PRPF6: variants seen among roughly 807,000 people sequenced by gnomAD.
PRPF6 encodes pre-mRNA processing factor 6, also known as pre-mRNA-processing factor 6.
A neutral mutation model predicts 118.3 loss-of-function variants in PRPF6; 42 were observed. The observed-to-expected ratio is 0.35, with a 90% confidence interval of 0.28 to 0.46. The LOEUF is 0.46. PRPF6 is among the 20% of genes least tolerant of loss of function. The pLI is 1.00. For synonymous variants in PRPF6, 481 were observed against 485.1 expected, an observed-to-expected ratio of 0.99 and a Z score of 0.11; for missense variants, 662 against 1,255.7, an observed-to-expected ratio of 0.53 and a Z score of 7.15.
intron 6 of PRPF6, among the ~76,000 whole-genome samples, chr20:63,996,821 C>G (rs367613980): frequency 1.3e-5 from 2 of 151,980 alleles, no homozygotes; most frequent in African/African-American, 4.8e-5. Flanking sequence ...CCCAGCTGTT[C>G]GAGAGGCTGA....
chr20:63,999,800 G>A, intron 8 of PRPF6, 41 bp downstream of exon 8: 1 of 1,610,276 alleles, frequency 6.2e-7, no homozygotes, highest in Non-Finnish European at 8.5e-7. Flanking sequence ...GAGGCTGCGT[G>A]ATTGTGGCCC....
chr20:64,000,614 G>A (rs1462197568), intron 8 of PRPF6, among the ~76,000 whole-genome samples: 1 of 151,158 alleles, frequency 6.6e-6, no homozygotes, highest in African/African-American at 2.4e-5. Flanking sequence ...TGTTGCCCAG[G>A]CTGAAGTACA....
At position 63,999,766 on chromosome 20, in the gene PRPF6, T is replaced by C; in HGVS notation, c.1023+7T>C. The C allele has an allele frequency of 1.2e-6, 2 of 1,613,908 alleles. No individual in the cohort carries two copies. Among genetic ancestry groups the C allele is most frequent in the African/African-American group, 2.7e-5 (2 of 75,016 alleles). ...GACGGAGATGTGCCCCAAGGTGAGG[T>C]ATTTCCTGGGAGGCGTTTCCTGGGA... On this transcript the variant is annotated splice_region_variant and intron_variant, in intron 8 of 20. Coordinates refer to ENST00000266079, the MANE Select transcript of PRPF6 (RefSeq NM_012469.4).
intron 3 of PRPF6, among the ~76,000 whole-genome samples, chr20:63,985,348 CAA>C (rs112094687): frequency 4.4e-5 from 6 of 135,628 alleles, no homozygotes; most frequent in African/African-American, 5.3e-5. Context: ...GACCCTGTCT[CAA>C]AAAAAAAAAA....
At chr20:64,015,829 T>A (rs2059234640) in intron 11 of PRPF6, among the ~76,000 whole-genome samples, 1 of 152,152 alleles carries the variant, frequency 6.6e-6, no homozygotes, top group Non-Finnish European at 1.5e-5. Flanking sequence ...AATTAGCATC[T>A]TGAAAATAAG....
chr20:64,019,099 T>G (rs975434970), intron 12 of PRPF6, among the ~76,000 whole-genome samples: 8 of 149,022 alleles, frequency 5.4e-5, no homozygotes, highest in Non-Finnish European at 8.9e-5. Flanking sequence ...TTGGTTTTTT[T>G]TTTTTTTTTT....
chr20:64,007,416 G>A (rs939111672), intron 9 of PRPF6, among the ~76,000 whole-genome samples: 10 of 43,298 alleles, frequency 2.3e-4, no homozygotes, highest in Non-Finnish European at 3.9e-4. Flanking sequence ...TCCCCTCCCC[G>A]CCTCCGCTTC....
chr20:64,015,295 C>T (rs1222910878), intron 11 of PRPF6, among the ~76,000 whole-genome samples: 3 of 152,234 alleles, frequency 2.0e-5, no homozygotes, highest in African/African-American at 4.8e-5. Context: ...AGAGCCAGCA[C>T]CTTTGCCGCA....
intron 12 of PRPF6, among the ~76,000 whole-genome samples, chr20:64,019,366 C>G (rs2059253210): frequency 6.6e-6 from 1 of 152,194 alleles, no homozygotes; most frequent in Admixed American, 6.5e-5. Context: ...CTCAGCCTCC[C>G]AGAGCCACTG....
At position 64,027,760 on chromosome 20, in the gene PRPF6, G is replaced by A. The variant is rs569238175; in HGVS notation, c.2339+24G>A. On this transcript the variant is annotated intron_variant, in intron 17 of 20. Coordinates refer to ENST00000266079, the MANE Select transcript of PRPF6 (RefSeq NM_012469.4). This position sits in a 1 kb window ranked among gnomAD's most constrained non-coding sequence, Gnocchi z 6.5. ...TGGTGAGTCCTGGAGGGGGCAGCCT[G>A]GCCTCTGGGCACAGCTTCCCCATCA... 178 of 1,613,292 alleles carry A rather than the reference G, an allele frequency of 1.1e-4. 2 individuals are homozygous for A. The East Asian group carries it at 3.4e-3, about 30-fold the overall frequency.
At chr20:63,988,174 G>A (rs971522608) in intron 3 of PRPF6, among the ~76,000 whole-genome samples, 1 of 152,070 alleles carries the variant, frequency 6.6e-6, no homozygotes, top group Non-Finnish European at 1.5e-5. Flanking sequence ...ACAAAAATTA[G>A]CTGGGTGTAG....
rs1283688142 is a variant in PRPF6, at chr20:64,016,824, C to G, written c.1626C>G (p.Thr542=). ...TTGAGGAGGAAGATCGGAAGCATAC[C>G]TGGATGGAGGATGCTGACAGTGTGA... is the stretch of plus-strand genomic sequence containing the variant. ...IGIEEEDRKH[T]WMEDADSCVA... The change falls in exon 12 of 21, where the codon ACC becomes ACG. Residue 542 remains threonine (T), a synonymous_variant. Coordinates refer to ENST00000266079, the MANE Select transcript of PRPF6 (RefSeq NM_012469.4). The G allele has an allele frequency of 1.2e-6, 2 of 1,614,172 alleles. No individual in the cohort carries two copies. Among genetic ancestry groups the G allele is most frequent in the South Asian group, 2.2e-5 (2 of 91,088 alleles).
chr20:64,001,547 A>G lies in PRPF6; in HGVS notation c.1186+308A>G, dbSNP rs1252726516. The stretch of plus-strand genomic sequence containing the variant: ...TTCCCTCATCTGCAGGGTGAGAACA[A>G]CGGTAGCTCAAAGCCTGTGTCCTGG... On this transcript the variant is annotated intron_variant, in intron 9 of 20. Transcript: ENST00000266079. Among the ~76,000 whole-genome samples, 5 of 152,126 alleles carry G rather than the reference A, an allele frequency of 3.3e-5. No individual in the cohort carries two copies. In the East Asian group the frequency reaches 9.6e-4, roughly 29 times the overall value.
chr20:63,995,254 T>C (rs2059136113), intron 5 of PRPF6, 73 bp from the exon 6 acceptor site: 1 of 1,574,484 alleles, frequency 6.4e-7, no homozygotes, highest in Non-Finnish European at 8.6e-7. Context: ...GGGAAGTATT[T>C]CAGAGAGTAA....
chr20:63,996,005 C>T (rs1017312402), intron 6 of PRPF6, among the ~76,000 whole-genome samples: 31 of 151,832 alleles, frequency 2.0e-4, no homozygotes, highest in Non-Finnish European at 4.0e-4. Context: ...TGTTTTTTTC[C>T]TGCCTCTCAG....
intron 12 of PRPF6, among the ~76,000 whole-genome samples, chr20:64,021,671 CGT>C (rs1282576974): frequency 8.9e-6 from 1 of 112,856 alleles, no homozygotes; most frequent in Non-Finnish European, 1.8e-5. Context: ...GCCACAGCCC[CGT>C]GTCTGTGTGT....
At position 64,028,639 on chromosome 20, in the gene PRPF6, AGG is replaced by A. The variant is rs1251183499; in HGVS notation, c.2431+74_2431+75del. The A allele has an allele frequency of 5.9e-5, 92 of 1,556,334 alleles. No individual in the cohort carries two copies. In the South Asian group the frequency reaches 9.4e-4, roughly 16 times the overall value. ...GTAAGGGGGTGCCTTGACTCCGGTA[AGG>A]GGGTGCTTCCTGGCTTCCCAGACTC... is the stretch of plus-strand genomic sequence containing the variant. On this transcript the variant is annotated intron_variant, in intron 18 of 20. Coordinates refer to ENST00000266079, the MANE Select transcript of PRPF6 (RefSeq NM_012469.4). The surrounding 1 kb of genome is among the most constrained non-coding windows in gnomAD (Gnocchi z 6.5).
Position 64,011,245 on chromosome 20 carries a change from C to G in PRPF6, c.1306-40C>G, listed in dbSNP as rs764698391. On this transcript the variant is annotated intron_variant, in intron 10 of 20. Transcript: ENST00000266079. This position sits in a 1 kb window ranked among gnomAD's most constrained non-coding sequence, Gnocchi z 6.7. Reference sequence around the variant, plus strand: ...GTCTGGCCTGCAGCTGTCCCCCCAGCACAGTGTCCTCTCCTTTTTCTCGTG... The same window carrying G: ...GTCTGGCCTGCAGCTGTCCCCCCAGGACAGTGTCCTCTCCTTTTTCTCGTG... 1 of 1,596,442 alleles carries G rather than the reference C, an allele frequency of 6.3e-7. No homozygotes were observed. Among genetic ancestry groups the G allele is most frequent in the South Asian group, 1.1e-5 (1 of 90,346 alleles).
At position 64,026,570 on chromosome 20, in the gene PRPF6, G is replaced by A. The variant is rs1275895918; in HGVS notation, c.2029-412G>A. 1.3e-5 allele frequency among the ~76,000 whole-genome samples: 2 copies of A among 151,930 alleles called. No homozygotes were observed. Among genetic ancestry groups the A allele is most frequent in the African/African-American group, 4.8e-5 (2 of 41,326 alleles). On this transcript the variant is annotated intron_variant, in intron 15 of 20. Transcript: ENST00000266079. The surrounding 1 kb of genome is among the most constrained non-coding windows in gnomAD (Gnocchi z 4.4). ...GTGGTGGCTCACGCCTGTAATCCCAGCACTTTGGGAGGCCAAGGCAGGTAG... is the reference window on the plus strand; with the variant it reads ...GTGGTGGCTCACGCCTGTAATCCCAACACTTTGGGAGGCCAAGGCAGGTAG...
Sources: allele counts gnomAD v4.1 joint callset (sites outside exome capture counted in the v4.1 genomes callset), GRCh38; gene constraint gnomAD v4.1.1; non-coding constraint Gnocchi (gnomAD v3.1); transcripts MANE v1.5; gene names NCBI Gene and HGNC (gene_info 2026-07-23, HGNC 2026-07-21).